The following EVC variants were observed in gnomAD, a reference collection of about 807,000 sequenced individuals.
EVC encodes EvC ciliary complex subunit 1.
In EVC, 116 loss-of-function variants were observed where a neutral mutation model predicts 118.9. That is an observed-to-expected ratio of 0.98 (90% CI 0.84 to 1.14). EVC has a LOEUF of 1.14. EVC is among the 50% of genes most tolerant of loss of function. EVC has a pLI of 0.00. For missense variants in EVC, 1,401 were observed against 1,246.4 expected (o/e 1.12, Z -1.87); for synonymous variants, 619 against 534.7 (o/e 1.16, Z -2.18).
the EVC span, among the ~76,000 whole-genome samples, chr4:5,820,267 T>C: frequency 6.6e-6 from 1 of 152,070 alleles, no homozygotes; most frequent in Non-Finnish European, 1.5e-5. Context: ...AACACCACCA[T>C]CATCATCACC....
At chr4:5,822,638 G>A in the EVC span, among the ~76,000 whole-genome samples, 5 of 152,278 alleles carry the variant, frequency 3.3e-5, no homozygotes, top group South Asian at 1.0e-3. Flanking sequence ...TTTATTAAAT[G>A]AGTAAATCAT....
rs1273091585 is a variant in EVC at position 5,746,580 on chromosome 4, A to C, written c.939+1239A>C. On this transcript the variant is annotated intron_variant, in intron 7 of 20. Coordinates refer to ENST00000264956, the MANE Select transcript of EVC (RefSeq NM_153717.3). This position sits in a 1 kb window ranked among gnomAD's most constrained non-coding sequence, Gnocchi z 5.8. ...ACTTTGAGGGCCAGAATGTTCTTAG[A>C]ACTGTGGGCCAGGATGCTAAGGAAG... Among the ~76,000 whole-genome samples the C allele has an allele frequency of 6.6e-6, 1 of 152,118 alleles. No individual in the cohort carries two copies. The highest frequency in any genetic ancestry group is 1.5e-5 in the Non-Finnish European group (1 of 68,012).
intron 7 of EVC, 152 bp downstream of exon 7, chr4:5,745,493 A>G (rs1729236629): frequency 5.2e-6 from 4 of 769,804 alleles, no homozygotes; most frequent in Non-Finnish European, 4.3e-6. Flanking sequence ...TTCTGATGCT[A>G]AGTGATAGGG....
chr4:5,771,067 G>A (rs1733874631), intron 11 of EVC, among the ~76,000 whole-genome samples: 2 of 151,898 alleles, frequency 1.3e-5, no homozygotes, highest in Admixed American at 1.3e-4. Flanking sequence ...TTGTCATTCT[G>A]AAGATGTCAT....
At chr4:5,818,714 G>GT (rs907469960), downstream of EVC, among the ~76,000 whole-genome samples, 4 of 152,148 alleles carry the variant, frequency 2.6e-5, no homozygotes, top group African/African-American at 9.7e-5. Flanking sequence ...ACTCTGCAGA[G>GT]TCCCCACCAG....
chr4:5,782,318 A>C (rs1460522214), intron 11 of EVC, among the ~76,000 whole-genome samples: 1 of 147,388 alleles, frequency 6.8e-6, no homozygotes, highest in Non-Finnish European at 1.5e-5. Flanking sequence ...CAGGTGATCT[A>C]CCCACCTCAG....
In EVC at chr4:5,756,420, A is replaced by T; in HGVS notation, c.1563+58A>T. 7.0e-7 allele frequency: 1 copy of T among 1,432,526 alleles called. No homozygotes were observed. Among genetic ancestry groups the T allele is most frequent in the Non-Finnish European group, 9.7e-7 (1 of 1,034,936 alleles). 88.7% of individuals were successfully genotyped at this position (1,432,526 alleles called of 1,614,324 possible). On this transcript the variant is annotated intron_variant, in intron 11 of 20. Coordinates refer to ENST00000264956, the MANE Select transcript of EVC (RefSeq NM_153717.3). This position sits in a 1 kb window ranked among gnomAD's most constrained non-coding sequence, Gnocchi z 4.2. The stretch of plus-strand genomic sequence containing the variant: ...CCCCAGGGTCTGTGTGTGTGCGAGA[A>T]CCTCACATCCTCCTGGCTGGGGACC...
intron 5 of EVC, among the ~76,000 whole-genome samples, chr4:5,734,446 C>G (rs557395754): frequency 6.6e-6 from 1 of 152,078 alleles, no homozygotes; most frequent in African/African-American, 2.4e-5. Context: ...TTGAGACCAG[C>G]CTGGGCAACA....
downstream of EVC, among the ~76,000 whole-genome samples, chr4:5,815,230 C>T (rs535854178): frequency 6.6e-6 from 1 of 151,786 alleles, no homozygotes; most frequent in South Asian, 2.1e-4. Context: ...GGTCTGTGCA[C>T]AGGTGGCAGA....
At position 5,798,820 on chromosome 4, in the gene EVC, C is replaced by T. The variant is rs766940765; in HGVS notation, c.2304+28C>T. ...ATGCACTGACCTCTGTCCCTGGGGA[C>T]ACCGAGGGCAAGAATGTTCAGGGTA... On this transcript the variant is annotated intron_variant, in intron 15 of 20. Transcript: ENST00000264956. The surrounding 1 kb of genome is among the most constrained non-coding windows in gnomAD (Gnocchi z 4.1). The T allele has an allele frequency of 1.9e-6, 3 of 1,599,932 alleles. No individual in the cohort carries two copies. Among genetic ancestry groups the T allele is most frequent in the South Asian group, 1.1e-5 (1 of 88,972 alleles).
downstream of EVC, among the ~76,000 whole-genome samples, chr4:5,818,663 A>T (rs551384129): frequency 7.9e-5 from 12 of 152,230 alleles, no homozygotes; most frequent in South Asian, 2.5e-3. Flanking sequence ...GAGCCAATAC[A>T]CTCAGCCCCC....
At position 5,742,504 on chromosome 4, in the gene EVC, G is replaced by T. The variant is rs547592396; in HGVS notation, c.801+690G>T. The stretch of plus-strand genomic sequence containing the variant: ...CTATCACAGTTCTCTTCTTCATCAT[G>T]TCATTGTTGTCATCACCATAAACAC... On this transcript the variant is annotated intron_variant, in intron 6 of 20. Transcript: ENST00000264956. This position sits in a 1 kb window ranked among gnomAD's most constrained non-coding sequence, Gnocchi z 5.2. Among the ~76,000 whole-genome samples, 6 of 151,930 alleles carry T rather than the reference G, an allele frequency of 3.9e-5. No homozygotes were observed. In the South Asian group the frequency reaches 1.2e-3, roughly 32 times the overall value.
chr4:5,713,596 G>A (rs1225696988), intron 1 of EVC, among the ~76,000 whole-genome samples: 2 of 146,572 alleles, frequency 1.4e-5, no homozygotes, highest in African/African-American at 5.1e-5. Flanking sequence ...AGAATCGCTG[G>A]AACCTGGGAG....
chr4:5,766,460 G>T (rs1358526561), intron 11 of EVC, among the ~76,000 whole-genome samples: 87 of 129,980 alleles, frequency 6.7e-4, no homozygotes, highest in African/African-American at 2.6e-3. Context: ...TGCCTTGCTA[G>T]ATTGGGGAAG....
chr4:5,723,391 A>G (rs1472287044), intron 2 of EVC, among the ~76,000 whole-genome samples: 1 of 151,832 alleles, frequency 6.6e-6, no homozygotes. Flanking sequence ...GGCTTCCACC[A>G]TGTTGGTCAG....
At chr4:5,825,438 G>A in the EVC span, 1 of 1,504,536 alleles carries the variant, frequency 6.6e-7, no homozygotes, top group African/African-American at 1.4e-5. This position sits in a 1 kb window ranked among gnomAD's most constrained non-coding sequence, Gnocchi z 4.4. Flanking sequence ...GCAGCAGGAA[G>A]GACTCGGCCT....
chr4:5,808,261 G>T lies in EVC; in HGVS notation c.2622G>T (p.Leu874=), dbSNP rs1399378301. 4 of 1,613,462 alleles carry T rather than the reference G, an allele frequency of 2.5e-6. No individual in the cohort carries two copies. Among genetic ancestry groups the T allele is most frequent in the Middle Eastern group, 1.7e-4 (1 of 6,056 alleles). The change falls in exon 18 of 21, where the codon CTG becomes CTT. Residue 874 remains leucine, a synonymous_variant. Coordinates refer to ENST00000264956, the MANE Select transcript of EVC (RefSeq NM_153717.3). Reference sequence around the variant, plus strand: ...TCCCAGTGCACCAGCAGATGCGTCTGCACGCCCAGCAGCAGCAGGCAGGAG... The same window carrying T: ...TCCCAGTGCACCAGCAGATGCGTCTTCACGCCCAGCAGCAGCAGGCAGGAG... The part of the protein sequence containing the change: ...AQFPVHQQMR[L]HAQQQQAGVM...
chr4:5,822,495 G>C, the EVC span, among the ~76,000 whole-genome samples: 27 of 83,002 alleles, frequency 3.3e-4, no homozygotes, highest in Admixed American at 1.5e-3. Context: ...GGATCTGAAG[G>C]GGGGGGGGGT....
intron 11 of EVC, among the ~76,000 whole-genome samples, chr4:5,779,471 G>T (rs1419820927): frequency 1.3e-5 from 2 of 150,294 alleles, no homozygotes; most frequent in Admixed American, 1.3e-4. Flanking sequence ...TCCTACCCAT[G>T]AGCATGGAAT....
Sources: allele counts gnomAD v4.1 joint callset (sites outside exome capture counted in the v4.1 genomes callset), GRCh38; gene constraint gnomAD v4.1.1; non-coding constraint Gnocchi (gnomAD v3.1); transcripts MANE v1.5; gene names NCBI Gene and HGNC (gene_info 2026-07-23, HGNC 2026-07-21).